The following GBE1 variants were observed in gnomAD, a reference collection of about 807,000 sequenced individuals.
GBE1 encodes the protein 1,4-alpha-glucan-branching enzyme.
A neutral mutation model predicts 88.8 loss-of-function variants in GBE1; 70 were observed. The ratio of observed to expected loss-of-function variants is 0.79; its 90% CI spans 0.65 to 0.96. GBE1 has a LOEUF of 0.96. GBE1 is among the 40% of genes least tolerant of loss of function. The pLI is 0.00. For missense variants in GBE1, 872 were observed against 871.0 expected, an observed-to-expected ratio of 1.00 and a Z score of -0.01; for synonymous variants, 284 against 300.1, an observed-to-expected ratio of 0.95 and a Z score of 0.56.
chr3:81,600,431 A>C (rs1420771331), intron 7 of GBE1, among the ~76,000 whole-genome samples: 1 of 152,086 alleles, frequency 6.6e-6, no homozygotes, highest in Non-Finnish European at 1.5e-5. Flanking sequence ...TTAAATGATG[A>C]CTTGAGGCAA....
intron 3 of GBE1, among the ~76,000 whole-genome samples, chr3:81,668,856 A>G (rs1705150911): frequency 6.6e-6 from 1 of 152,196 alleles, no homozygotes; most frequent in Non-Finnish European, 1.5e-5. Context: ...TTCCACAGGA[A>G]GCTGCTTCTA....
At chr3:81,545,168 C>T (rs1703190312) in intron 12 of GBE1, among the ~76,000 whole-genome samples, 1 of 151,988 alleles carries the variant, frequency 6.6e-6, no homozygotes, top group Non-Finnish European at 1.5e-5. Flanking sequence ...ACTTAACTCA[C>T]CAAAGTGTGA....
At chr3:81,560,148 C>T (rs886243013) in intron 12 of GBE1, among the ~76,000 whole-genome samples, 5 of 151,838 alleles carry the variant, frequency 3.3e-5, no homozygotes, top group Admixed American at 2.0e-4. Context: ...AAGTTCTCAT[C>T]GTACCACAAT....
At chr3:81,565,402 TC>T (rs751533249) in intron 12 of GBE1, among the ~76,000 whole-genome samples, 4 of 152,112 alleles carry the variant, frequency 2.6e-5, no homozygotes, top group Admixed American at 6.6e-5. Flanking sequence ...TTCCTATCTA[TC>T]AGAAAAATAG....
At chr3:81,674,027 T>C (rs1425516405) in intron 2 of GBE1, among the ~76,000 whole-genome samples, 4 of 151,914 alleles carry the variant, frequency 2.6e-5, no homozygotes, top group Non-Finnish European at 4.4e-5. Flanking sequence ...AGCATATATG[T>C]ATGAAACTAT....
rs1216380623 is a variant in GBE1, at chr3:81,535,244, G to A, written c.1885C>T (p.Pro629Ser). 1 of 1,611,298 alleles carries A rather than the reference G, an allele frequency of 6.2e-7. No homozygotes were observed. Among genetic ancestry groups the A allele is most frequent in the Admixed American group, 1.7e-5 (1 of 59,676 alleles). ...AGLLFIFNFH[P>S]SKSYTDYRVG... Reference sequence around the variant, plus strand: ...CGGTAGTCAGTGTAGCTCTTGCTTGGATGGAAGTTGAAAATGAAAAGAAGA... The same window carrying A: ...CGGTAGTCAGTGTAGCTCTTGCTTGAATGGAAGTTGAAAATGAAAAGAAGA... Residue 629 changes from proline (P) to serine (S), a missense_variant, in exon 14 of 16, where the codon CCA becomes TCA. Physicochemically the swap from Pro to Ser is moderately conservative, Grantham distance 74. Coordinates refer to ENST00000429644, the MANE Select transcript of GBE1 (RefSeq NM_000158.4).
chr3:81,500,735 T>C (rs1702575179), intron 14 of GBE1, among the ~76,000 whole-genome samples: 1 of 152,236 alleles, frequency 6.6e-6, no homozygotes, highest in South Asian at 2.1e-4. Flanking sequence ...TGGGAATCTA[T>C]ATATGCATTA....
chr3:81,721,207 ATAAATAAATAAAT>A lies in GBE1; in HGVS notation c.144-15607_144-15595del, dbSNP rs1174717658. On this transcript the variant is annotated intron_variant, in intron 1 of 15. Coordinates refer to ENST00000429644, the MANE Select transcript of GBE1 (RefSeq NM_000158.4). ...CCTAAAACTTAGAGTATAATAAAAA[ATAAATAAATAAAT>A]AAATAAATAAATAAAAACACATGAA... is the stretch of plus-strand genomic sequence containing the variant. Among the ~76,000 whole-genome samples the A allele has an allele frequency of 4.4e-5, 4 of 89,894 alleles. 1 individual carries two copies. The highest frequency in any genetic ancestry group is 5.8e-4 in the South Asian group (2 of 3,432). The allele number at this position is 89,894 out of a possible 152,430, so 59.0% of individuals were successfully genotyped here.
chr3:81,671,709 T>C (rs1455037947), intron 2 of GBE1, among the ~76,000 whole-genome samples: 1 of 152,058 alleles, frequency 6.6e-6, no homozygotes, highest in Non-Finnish European at 1.5e-5. Context: ...AACCATAAAA[T>C]GCTTAGAAGA....
intron 3 of GBE1, among the ~76,000 whole-genome samples, chr3:81,661,397 C>G (rs1051436643): frequency 2.6e-5 from 4 of 152,150 alleles, no homozygotes; most frequent in Non-Finnish European, 4.4e-5. Flanking sequence ...TTTGTACAAG[C>G]ATTAAATAAA....
intron 7 of GBE1, among the ~76,000 whole-genome samples, chr3:81,639,525 C>A (rs1465992478): frequency 1.3e-5 from 2 of 151,738 alleles, no homozygotes; most frequent in Admixed American, 6.6e-5. Flanking sequence ...AAGGGAGGGG[C>A]GTTAAGGAAT....
intron 2 of GBE1, among the ~76,000 whole-genome samples, chr3:81,702,546 T>G (rs1299558459): frequency 2.0e-5 from 3 of 152,056 alleles, no homozygotes. Context: ...TCTTATCTCT[T>G]CAATAAAAAT....
At chr3:81,717,789 G>GA (rs1437687075) in intron 1 of GBE1, among the ~76,000 whole-genome samples, 3 of 151,126 alleles carry the variant, frequency 2.0e-5, no homozygotes, top group Non-Finnish European at 4.4e-5. Context: ...AACCCAAAAA[G>GA]AAAAAAAATG....
chr3:81,560,612 C>T (rs1335564516), intron 12 of GBE1, among the ~76,000 whole-genome samples: 2 of 151,948 alleles, frequency 1.3e-5, no homozygotes, highest in African/African-American at 2.4e-5. Context: ...TCTTCACCTC[C>T]ACATGGTCAT....
At chr3:81,509,766 TCA>T (rs1248518665) in intron 14 of GBE1, 1 of 151,976 alleles carries the variant, frequency 6.6e-6, no homozygotes, top group East Asian at 1.9e-4. Context: ...TCCCTTTGTT[TCA>T]CAGAGTTAAC....
At chr3:81,494,700 T>C (rs937266443) in intron 15 of GBE1, among the ~76,000 whole-genome samples, 3 of 152,160 alleles carry the variant, frequency 2.0e-5, no homozygotes, top group African/African-American at 7.2e-5. Context: ...AGTCTGCTCT[T>C]CACAAAGAGT....
intron 1 of GBE1, among the ~76,000 whole-genome samples, chr3:81,741,533 T>C (rs1479391478): frequency 2.0e-5 from 3 of 152,080 alleles, no homozygotes; most frequent in Admixed American, 6.6e-5. Flanking sequence ...GTACTCTTCC[T>C]TTCTCCTTAA....
chr3:81,581,487 G>C (rs1390445957), intron 10 of GBE1, among the ~76,000 whole-genome samples: 6 of 150,918 alleles, frequency 4.0e-5, no homozygotes, highest in Non-Finnish European at 8.9e-5. Context: ...GAGTGTGTTT[G>C]TGTGTGTGTG....
intron 2 of GBE1, among the ~76,000 whole-genome samples, chr3:81,683,129 G>A (rs887443973): frequency 3.3e-5 from 5 of 152,074 alleles, no homozygotes; most frequent in African/African-American, 4.8e-5. Flanking sequence ...ATTTCTTTTG[G>A]GGCGTTGAAA....
Sources: allele counts gnomAD v4.1 joint callset (sites outside exome capture counted in the v4.1 genomes callset), GRCh38; gene constraint gnomAD v4.1.1; transcripts MANE v1.5; gene names NCBI Gene and HGNC (gene_info 2026-07-23, HGNC 2026-07-21).